Variants in TMC7 observed in about 807,000 individuals in gnomAD.
TMC7 encodes transmembrane channel like 7.
TMC7 carries 54 observed loss-of-function variants against 82.9 expected under a neutral mutation model. The ratio of observed to expected loss-of-function variants is 0.65; its 90% confidence interval spans 0.52 to 0.82. TMC7 has a LOEUF of 0.82. TMC7 is among the 40% of genes least tolerant of loss of function. TMC7 has a pLI of 0.00. For missense variants in TMC7, 820 were observed against 901.2 expected, an observed-to-expected ratio of 0.91 and a Z score of 1.15; for synonymous variants, 350 against 337.9, an observed-to-expected ratio of 1.04 and a Z score of -0.39.
rs748750341 is a variant in TMC7, at chr16:19,009,434, T to A, written c.311+19T>A. 1 of 1,604,558 alleles carries A rather than the reference T, an allele frequency of 6.2e-7. No homozygotes were observed. The highest frequency in any genetic ancestry group is 8.5e-7 in the Non-Finnish European group (1 of 1,173,542). Reference sequence around the variant, plus strand: ...GACTAAGGTTTGTTCACTAGCCACCTGGAACCTGCATTGTGTATGTTATGG... The same window carrying A: ...GACTAAGGTTTGTTCACTAGCCACCAGGAACCTGCATTGTGTATGTTATGG... On this transcript the variant is annotated intron_variant, in intron 2 of 15. Coordinates refer to ENST00000304381, the MANE Select transcript of TMC7 (RefSeq NM_024847.4).
chr16:19,004,930 TG>T (rs1444272541), intron 1 of TMC7, among the ~76,000 whole-genome samples: 5 of 152,072 alleles, frequency 3.3e-5, no homozygotes, highest in African/African-American at 1.2e-4. Context: ...CTTGAATTCC[TG>T]GGCTCAAGCA....
At chr16:18,996,455 ACTAT>A (rs1324934534) in intron 1 of TMC7, among the ~76,000 whole-genome samples, 1 of 152,242 alleles carries the variant, frequency 6.6e-6, no homozygotes, top group Middle Eastern at 3.4e-3. Context: ...TTCGACAAAA[ACTAT>A]CTAGATCTTA....
At chr16:19,039,809 T>G (rs907385315) in intron 8 of TMC7, among the ~76,000 whole-genome samples, 2 of 152,074 alleles carry the variant, frequency 1.3e-5, no homozygotes, top group African/African-American at 4.8e-5. Context: ...ATACCTCTTT[T>G]TGAATATCTG....
chr16:19,030,652 CA>C (rs1320791664), intron 6 of TMC7, among the ~76,000 whole-genome samples: 1 of 151,134 alleles, frequency 6.6e-6, no homozygotes, highest in Non-Finnish European at 1.5e-5. Context: ...GATCTCGGCT[CA>C]CTGCAACCTC....
At chr16:18,999,883 C>A (rs1234716351) in intron 1 of TMC7, among the ~76,000 whole-genome samples, 1 of 152,100 alleles carries the variant, frequency 6.6e-6, no homozygotes, top group African/African-American at 2.4e-5. Context: ...CCTGCCTCAG[C>A]CTCCAGAGTA....
At chr16:19,000,836 T>C (rs570749803) in intron 1 of TMC7, among the ~76,000 whole-genome samples, 6 of 152,214 alleles carry the variant, frequency 3.9e-5, no homozygotes, top group African/African-American at 7.2e-5. Context: ...CTGGGCAATA[T>C]GGTAAAACCC....
intron 1 of TMC7, among the ~76,000 whole-genome samples, chr16:19,004,197 T>C (rs2142156293): frequency 6.6e-6 from 1 of 152,276 alleles, no homozygotes; most frequent in South Asian, 2.1e-4. Flanking sequence ...ATGCCTGTGT[T>C]CAAAGACATG....
At chr16:19,018,403 A>C (rs1481846992) in intron 3 of TMC7, among the ~76,000 whole-genome samples, 1 of 152,136 alleles carries the variant, frequency 6.6e-6, no homozygotes, top group African/African-American at 2.4e-5. Context: ...TGCTGTGTTC[A>C]CGTAACCTTT....
chr16:19,015,732 C>T (rs1959653389), intron 2 of TMC7, among the ~76,000 whole-genome samples: 2 of 152,052 alleles, frequency 1.3e-5, no homozygotes, highest in South Asian at 4.1e-4. Flanking sequence ...CGCCCACCAC[C>T]ATGCCTGGCT....
At chr16:18,999,242 C>T (rs1346120996) in intron 1 of TMC7, among the ~76,000 whole-genome samples, 1 of 152,174 alleles carries the variant, frequency 6.6e-6, no homozygotes, top group African/African-American at 2.4e-5. Flanking sequence ...TCAAGCAATC[C>T]TCCCGCCTCA....
chr16:19,030,130 C>T, intron 5 of TMC7, 94 bp from the exon 6 acceptor site: 1 of 1,284,716 alleles, frequency 7.8e-7, no homozygotes, highest in Non-Finnish European at 1.1e-6. Flanking sequence ...GGAAAGGGGA[C>T]ACTGGAACTT....
intron 1 of TMC7, among the ~76,000 whole-genome samples, chr16:18,998,760 A>G (rs2142140807): frequency 6.6e-6 from 1 of 151,592 alleles, no homozygotes; most frequent in South Asian, 2.1e-4. Context: ...TCTCAAAAAA[A>G]AAAAAAGAAA....
In TMC7 at chr16:19,062,940, T is replaced by TAA. The variant is rs1413730072; in HGVS notation, c.*1098_*1099dup. 1 of 152,160 alleles carries TAA rather than the reference T, an allele frequency of 6.6e-6. No homozygotes were observed. The highest frequency in any genetic ancestry group is 2.4e-5 in the African/African-American group (1 of 41,444). The allele number at this position is 152,160 out of a possible 1,614,324, so 9.4% of individuals were successfully genotyped here. A position where few individuals can be genotyped will look rare whatever the true frequency, so the allele number is the denominator to read the frequency against. ...GCAGGTTTTAGAAAGCTGTTGCTGTTAACAATAATTCTCCCGGCCATCTCC... is the reference window on the plus strand; with the variant it reads ...GCAGGTTTTAGAAAGCTGTTGCTGTTAAAACAATAATTCTCCCGGCCATCTCC... On this transcript the variant is annotated 3_prime_UTR_variant, in exon 16 of 16. Transcript: ENST00000304381.
intron 7 of TMC7, 138 bp downstream of exon 7, chr16:19,035,961 C>A: frequency 1.0e-6 from 1 of 952,954 alleles, no homozygotes. Context: ...CCCTCTGTAG[C>A]TTTCAAGAAC....
intron 7 of TMC7, among the ~76,000 whole-genome samples, chr16:19,036,987 C>A (rs1404240857): frequency 6.6e-6 from 1 of 152,146 alleles, no homozygotes; most frequent in Non-Finnish European, 1.5e-5. Context: ...ATGACACATA[C>A]TATATTTAAG....
chr16:19,040,901 T>A (rs1960982075), intron 9 of TMC7, among the ~76,000 whole-genome samples: 1 of 151,208 alleles, frequency 6.6e-6, no homozygotes, highest in South Asian at 2.1e-4. Flanking sequence ...TCTTTTTTTT[T>A]TTTTTTTGAG....
At chr16:19,015,670 C>T (rs569936473) in intron 2 of TMC7, among the ~76,000 whole-genome samples, 3 of 151,920 alleles carry the variant, frequency 2.0e-5, no homozygotes, top group South Asian at 2.1e-4. Context: ...CTCCGCCTCC[C>T]GGGTTCAAGA....
In TMC7 at chr16:19,030,336, C is replaced by T. The variant is rs1369056765; in HGVS notation, c.824C>T (p.Ser275Phe). The T allele has an allele frequency of 6.2e-7, 1 of 1,613,050 alleles. No individual in the cohort carries two copies. The highest frequency in any genetic ancestry group is 1.7e-5 in the Admixed American group (1 of 59,800). ...GCGTATTTGTTAAGCACAATCGCCTCCCTGGCCCTGAGCCTTCTTTGGATA... is the reference window on the plus strand; with the variant it reads ...GCGTATTTGTTAAGCACAATCGCCTTCCTGGCCCTGAGCCTTCTTTGGATA... ...PLAYLLSTIA[S>F]LALSLLWIVK... is the part of the protein sequence containing the mutation. Residue 275 changes from serine to phenylalanine, a missense_variant, in exon 6 of 16, where the codon TCC (serine) becomes TTC (phenylalanine). Physicochemically the swap from Ser to Phe is radical, Grantham distance 155. Around this residue, in one of 2 missense-constraint regions of TMC7, gnomAD observed 650 missense variants for 669.9 expected, o/e 0.97. Coordinates refer to ENST00000304381, the MANE Select transcript of TMC7 (RefSeq NM_024847.4).
At chr16:18,988,719 C>T (rs756159205) in intron 1 of TMC7, among the ~76,000 whole-genome samples, 2 of 152,120 alleles carry the variant, frequency 1.3e-5, no homozygotes, top group African/African-American at 2.4e-5. Context: ...CTGCATGTGC[C>T]GTTGTGCCTA....
Sources: allele counts gnomAD v4.1 joint callset (sites outside exome capture counted in the v4.1 genomes callset), GRCh38; gene constraint gnomAD v4.1.1; regional missense constraint gnomAD v4.1.1; transcripts MANE v1.5; gene names NCBI Gene and HGNC (gene_info 2026-07-23, HGNC 2026-07-21).